TAFA4: variants seen among roughly 807,000 people sequenced by gnomAD.
TAFA4 encodes the protein TAFA chemokine like family member 4.
In TAFA4, 20 loss-of-function variants were observed where a neutral mutation model predicts 21.1. The observed-to-expected ratio is 0.95, with a 90% confidence interval of 0.67 to 1.38. The LOEUF is 1.38. TAFA4 is among the 40% of genes most tolerant of loss of function. The pLI, the probability that TAFA4 is intolerant of heterozygous loss-of-function variation, is 0.00. For synonymous variants in TAFA4, 71 were observed against 67.4 expected (o/e 1.05, Z -0.26); for missense variants, 211 against 180.9 (o/e 1.17, Z -0.95).
chr3:68,817,007 T>G lies in TAFA4; in HGVS notation c.130+63723A>C, dbSNP rs142888752. Reference sequence around the variant, plus strand: ...AGGCTGGGGTGGCTGTGGCAATTTCTTAAAGTAAGACAATAATGAGGTTTG... The same window carrying G: ...AGGCTGGGGTGGCTGTGGCAATTTCGTAAAGTAAGACAATAATGAGGTTTG... On this transcript the variant is annotated intron_variant, in intron 3 of 5. Transcript: ENST00000295569. Among the ~76,000 whole-genome samples the G allele has an allele frequency of 6.1e-3, 924 of 152,310 alleles. 9 individuals carry two copies. Among genetic ancestry groups the G allele is most frequent in the African/African-American group, 0.021 (893 of 41,572 alleles).
intron 3 of TAFA4, among the ~76,000 whole-genome samples, chr3:68,871,651 C>G (rs2089484267): frequency 6.6e-6 from 1 of 152,034 alleles, no homozygotes; most frequent in East Asian, 1.9e-4. Context: ...AACTATCCAT[C>G]CAACAATCAA....
At chr3:68,786,363 G>A (rs577597449) in intron 3 of TAFA4, among the ~76,000 whole-genome samples, 2 of 152,190 alleles carry the variant, frequency 1.3e-5, no homozygotes, top group African/African-American at 2.4e-5. Context: ...CTACCCAGGA[G>A]GCTGAGATGG....
At chr3:68,790,019 G>A (rs770285353) in intron 3 of TAFA4, among the ~76,000 whole-genome samples, 1 of 152,092 alleles carries the variant, frequency 6.6e-6, no homozygotes, top group Non-Finnish European at 1.5e-5. Context: ...GTTAATATCT[G>A]GGTAAATATA....
chr3:68,773,667 A>G lies in TAFA4; in HGVS notation c.131-20649T>C, dbSNP rs1011517609. ...TCAAAGACACTCCTATCACTCAGCA[A>G]ATTCCAAGGGTTTTCAAAGCTGTGT... On this transcript the variant is annotated intron_variant, in intron 3 of 5. Coordinates refer to ENST00000295569, the MANE Select transcript of TAFA4 (RefSeq NM_182522.5). Among the ~76,000 whole-genome samples the G allele has an allele frequency of 1.1e-4, 17 of 152,278 alleles. 1 individual carries two copies. In the East Asian group the frequency reaches 3.3e-3, roughly 29 times the overall value.
intron 3 of TAFA4, among the ~76,000 whole-genome samples, chr3:68,766,055 A>G (rs1258696828): frequency 2.0e-5 from 3 of 152,182 alleles, no homozygotes; most frequent in Non-Finnish European, 4.4e-5. Flanking sequence ...ATAAACAGAA[A>G]AGATAGAACT....
chr3:68,839,419 A>G (rs1330622780), intron 3 of TAFA4, among the ~76,000 whole-genome samples: 1 of 152,222 alleles, frequency 6.6e-6, no homozygotes, highest in African/African-American at 2.4e-5. Context: ...GTCCAAAACA[A>G]CAACAATGAA....
At chr3:68,929,784 C>A (rs908361214) in intron 1 of TAFA4, among the ~76,000 whole-genome samples, 1 of 152,152 alleles carries the variant, frequency 6.6e-6, no homozygotes, top group African/African-American at 2.4e-5. Context: ...TATAGAAATA[C>A]CCAAAACTCT....
chr3:68,732,884 T>C lies in TAFA4; in HGVS notation c.*258A>G, dbSNP rs1466681173. On this transcript the variant is annotated 3_prime_UTR_variant, in exon 6 of 6. Transcript: ENST00000295569. ...AGACTCTGATTTGCTCTTCTCGGAT[T>C]TTGGAGGTATGCTCCTTGGGAATCC... 1 of 490,936 alleles carries C rather than the reference T, an allele frequency of 2.0e-6. No individual in the cohort carries two copies. The highest frequency in any genetic ancestry group is 1.9e-5 in the African/African-American group (1 of 51,796). 30.4% of individuals were successfully genotyped at this position (490,936 alleles called of 1,614,324 possible).
intron 4 of TAFA4, among the ~76,000 whole-genome samples, chr3:68,741,165 T>A (rs1034430546): frequency 1.3e-5 from 2 of 152,238 alleles, no homozygotes; most frequent in African/African-American, 4.8e-5. Flanking sequence ...AGGACTGTTT[T>A]TCTATCTTTG....
At chr3:68,873,978 G>C (rs1185691018) in intron 3 of TAFA4, among the ~76,000 whole-genome samples, 1 of 152,054 alleles carries the variant, frequency 6.6e-6, no homozygotes, top group Non-Finnish European at 1.5e-5. Context: ...TAACAACACT[G>C]TTGCTATTCA....
intron 3 of TAFA4, among the ~76,000 whole-genome samples, chr3:68,767,771 T>C (rs1306304546): frequency 6.6e-6 from 1 of 152,034 alleles, no homozygotes; most frequent in Admixed American, 6.6e-5. Context: ...AGTCCTTATA[T>C]GTATACATAC....
At chr3:68,836,026 G>A (rs567159882) in intron 3 of TAFA4, among the ~76,000 whole-genome samples, 143 of 152,276 alleles carry the variant, frequency 9.4e-4, no homozygotes, top group African/African-American at 3.3e-3. Flanking sequence ...TTATTACAAA[G>A]AAACCTACCC....
At chr3:68,787,641 C>A (rs545184003) in intron 3 of TAFA4, among the ~76,000 whole-genome samples, 1 of 152,228 alleles carries the variant, frequency 6.6e-6, no homozygotes, top group Admixed American at 6.5e-5. Context: ...CACATCTGAT[C>A]TACACCACAA....
At position 68,841,344 on chromosome 3, in the gene TAFA4, A is replaced by AAG. The variant is rs1553646515; in HGVS notation, c.130+39385_130+39386insCT. Among the ~76,000 whole-genome samples the AAG allele has an allele frequency of 3.4e-3, 252 of 73,612 alleles. 46 individuals carry two copies. Among genetic ancestry groups the AAG allele is most frequent in the African/African-American group, 9.9e-3 (220 of 22,118 alleles). 48.3% of individuals were successfully genotyped at this position (73,612 alleles called of 152,430 possible). Reference sequence around the variant, plus strand: ...TCTCAAAAAAAAAAAAAATAAAAAAAAATAAAATCCACACACATTCTCCAC... The same window carrying AAG: ...TCTCAAAAAAAAAAAAAATAAAAAAAAGAATAAAATCCACACACATTCTCCAC... On this transcript the variant is annotated intron_variant, in intron 3 of 5. Transcript: ENST00000295569.
chr3:68,843,427 A>G (rs1704713616), intron 3 of TAFA4, among the ~76,000 whole-genome samples: 1 of 152,232 alleles, frequency 6.6e-6, no homozygotes, highest in Non-Finnish European at 1.5e-5. Flanking sequence ...TTAGGCTGAG[A>G]CAATGGGGTT....
At chr3:68,816,056 A>G (rs1290749607) in intron 3 of TAFA4, among the ~76,000 whole-genome samples, 3 of 152,170 alleles carry the variant, frequency 2.0e-5, no homozygotes, top group Admixed American at 2.0e-4. Context: ...TCAGCAAACT[A>G]TCACAAGGAC....
intron 1 of TAFA4, among the ~76,000 whole-genome samples, chr3:68,901,316 TA>T (rs796923082): frequency 5.7e-3 from 819 of 143,430 alleles, no homozygotes; most frequent in African/African-American, 6.4e-3. Flanking sequence ...CTATTTCACT[TA>T]AAAAAAAAAA....
At chr3:68,792,645 T>C (rs1703382332) in intron 3 of TAFA4, among the ~76,000 whole-genome samples, 1 of 152,218 alleles carries the variant, frequency 6.6e-6, no homozygotes, top group African/African-American at 2.4e-5. Flanking sequence ...TTATTCTATC[T>C]CTTGCCCTGC....
In TAFA4 at chr3:68,761,910, G is replaced by A. The variant is rs1053750620; in HGVS notation, c.131-8892C>T. 4.9e-4 allele frequency among the ~76,000 whole-genome samples: 75 copies of A among 152,076 alleles called. 2 individuals carry two copies. The highest frequency in any genetic ancestry group is 7.2e-4 in the Admixed American group (11 of 15,266). On this transcript the variant is annotated intron_variant, in intron 3 of 5. Transcript: ENST00000295569. Reference sequence around the variant, plus strand: ...GTTAAGAGGCTAACTCCAAAGTTTCGGGTTTGAACAAGAATGGAGTCGTCC... The same window carrying A: ...GTTAAGAGGCTAACTCCAAAGTTTCAGGTTTGAACAAGAATGGAGTCGTCC...
Sources: gnomAD v4.1 joint callset for allele counts (sites outside exome capture counted in the v4.1 genomes callset) on GRCh38, gnomAD v4.1.1 for gene constraint, MANE v1.5 for transcripts, NCBI Gene and HGNC (gene_info 2026-07-23, HGNC 2026-07-21) for gene names.